Variants in SGO1 observed in about 807,000 individuals in gnomAD.
SGO1 encodes the protein shugoshin 1.
Under a neutral mutation model 50.5 loss-of-function variants are expected in SGO1, and 39 were observed. The observed-to-expected ratio is 0.77, with a 90% CI of 0.60 to 1.01. SGO1 has a LOEUF of 1.01. Ranked by LOEUF, SGO1 falls within the 50% of genes least tolerant of loss-of-function variation. SGO1 has a pLI of 0.00. For missense variants in SGO1, 638 were observed against 606.0 expected (o/e 1.05, Z -0.55); for synonymous variants, 191 against 205.1 (o/e 0.93, Z 0.59).
At chr3:20,162,219 A>G (rs73193239) in intron 8 of SGO1, among the ~76,000 whole-genome samples, 34,232 of 152,180 alleles carry the variant, frequency 0.22, 3,865 homozygotes, top group Admixed American at 0.25. Context: ...GTAACTATGG[A>G]AAGAACTACA....
intron 6 of SGO1, among the ~76,000 whole-genome samples, chr3:20,173,781 A>C (rs1490494283): frequency 6.6e-6 from 1 of 152,232 alleles, no homozygotes; most frequent in Non-Finnish European, 1.5e-5. Flanking sequence ...GTCGTACAAA[A>C]GAATACTAAG....
rs972489600 is a variant in SGO1, at chr3:20,170,453, G to A, written c.*251C>T. The A allele has an allele frequency of 9.6e-6, 10 of 1,046,190 alleles. No homozygotes were observed. In the East Asian group the frequency reaches 5.7e-4, roughly 60 times the overall value. 64.8% of individuals were successfully genotyped at this position (1,046,190 alleles called of 1,614,324 possible). A position where few individuals can be genotyped will look rare whatever the true frequency, so the allele number is the denominator to read the frequency against. On this transcript the variant is annotated 3_prime_UTR_variant, in exon 8 of 8. Coordinates refer to ENST00000412997, the MANE Select transcript of SGO1 (RefSeq NM_001199251.3). ...AAATTAAGAGGTTTAGGCAGCATAA[G>A]AAATCGATATGATGATAATGCTTAA...
Position 20,170,072 on chromosome 3 carries a change from T to C in SGO1, c.*632A>G. The C allele has an allele frequency of 3.0e-6, 3 of 985,304 alleles. No individual in the cohort carries two copies. The highest frequency in any genetic ancestry group is 3.6e-6 in the Non-Finnish European group (3 of 829,776). 61.0% of individuals were successfully genotyped at this position (985,304 alleles called of 1,614,324 possible). On this transcript the variant is annotated 3_prime_UTR_variant, in exon 8 of 8. Coordinates refer to ENST00000412997, the MANE Select transcript of SGO1 (RefSeq NM_001199251.3). ...AGAAGCTTATAATTAAAAGATCTTA[T>C]TTGAGTAATCATTATTCATTTCTAC...
chr3:20,178,888 AT>A (rs1261992887), intron 3 of SGO1, among the ~76,000 whole-genome samples: 1 of 152,156 alleles, frequency 6.6e-6, no homozygotes, highest in Non-Finnish European at 1.5e-5. Flanking sequence ...TCTAAGTATG[AT>A]GGGAAGGTAC....
rs1216045640 is a variant in SGO1 at position 20,174,419 on chromosome 3, G to A, written c.1112C>T (p.Ser371Leu). Residue 371 changes from serine (S) to leucine (L), a missense_variant, in exon 6 of 8, where the codon TCA becomes TTA. Transcript: ENST00000412997. Reference protein sequence around the residue: ...NNESEVSLCESSGSGDDSDDL... With the variant: ...NNESEVSLCELSGSGDDSDDL... Reference sequence around the variant, plus strand: ...ATCGGAATCATCTCCTGAACCACTTGATTCACAGAGGCTCACTTCAGACTC... The same window carrying A: ...ATCGGAATCATCTCCTGAACCACTTAATTCACAGAGGCTCACTTCAGACTC... 1.2e-6 allele frequency: 2 copies of A among 1,614,140 alleles called. No individual in the cohort carries two copies. Among genetic ancestry groups the A allele is most frequent in the Admixed American group, 1.7e-5 (1 of 60,022 alleles).
downstream of SGO1, among the ~76,000 whole-genome samples, chr3:20,166,423 A>G (rs1342312990): frequency 6.6e-6 from 1 of 152,192 alleles, no homozygotes; most frequent in Admixed American, 6.5e-5. Flanking sequence ...TAAAATTTTG[A>G]TACATGCTAT....
chr3:20,161,614 T>C (rs1021828667), intron 8 of SGO1, among the ~76,000 whole-genome samples: 6 of 152,230 alleles, frequency 3.9e-5, no homozygotes, highest in African/African-American at 1.2e-4. Flanking sequence ...TTTTGGTCAC[T>C]GAGGCATCCC....
At chr3:20,183,562 C>T in intron 3 of SGO1, 46 bp downstream of exon 3, 1 of 1,422,930 alleles carries the variant, frequency 7.0e-7, no homozygotes, top group South Asian at 1.4e-5. Context: ...ACTACTTATT[C>T]ATGGCTTAAC....
Position 20,170,213 on chromosome 3 carries a change from A to G in SGO1, c.*491T>C. 1.8e-6 allele frequency: 1 copy of G among 563,724 alleles called. No individual in the cohort carries two copies. The highest frequency in any genetic ancestry group is 2.2e-6 in the Non-Finnish European group (1 of 444,706). The allele number at this position is 563,724 out of a possible 1,614,324, so 34.9% of individuals were successfully genotyped here. On this transcript the variant is annotated 3_prime_UTR_variant, in exon 8 of 8. Transcript: ENST00000412997. ...TGGGAGTTTGAGAGCAACCTGACCA[A>G]CATGGAGAAACCCTGTCTCTACTAA...
In SGO1 at chr3:20,170,522, TA is replaced by T; in HGVS notation, c.*181del. On this transcript the variant is annotated 3_prime_UTR_variant, in exon 8 of 8. Transcript: ENST00000412997. ...AAAAGAAAAAATAAATTAAATTTAT[TA>T]AAGTTTTAATACAAAGCATCCCATT... is the stretch of plus-strand genomic sequence containing the variant. The T allele has an allele frequency of 2.5e-6, 3 of 1,197,976 alleles. No individual in the cohort carries two copies. The highest frequency in any genetic ancestry group is 3.1e-6 in the Non-Finnish European group (3 of 965,702). 74.2% of individuals were successfully genotyped at this position (1,197,976 alleles called of 1,614,324 possible).
exon 9 of SGO1, chr3:20,161,218 C>G (rs369926768): frequency 2.5e-6 from 4 of 1,590,050 alleles, no homozygotes; most frequent in Non-Finnish European, 3.4e-6. Flanking sequence ...GGTGATACCT[C>G]CAGGGCTCCT....
intron 3 of SGO1, 94 bp from the exon 4 acceptor site, chr3:20,178,441 C>A: frequency 1.1e-6 from 1 of 869,636 alleles, no homozygotes; most frequent in Non-Finnish European, 1.9e-6. Flanking sequence ...GACAGTCTAT[C>A]ATGGTGCCAT....
chr3:20,163,994 G>C (rs1700171099), intron 8 of SGO1, among the ~76,000 whole-genome samples: 1 of 151,914 alleles, frequency 6.6e-6, no homozygotes, highest in Non-Finnish European at 1.5e-5. Context: ...AGTCTCACTA[G>C]TGTGTCAAAC....
downstream of SGO1, among the ~76,000 whole-genome samples, chr3:20,168,564 C>T (rs1303259796): frequency 1.3e-5 from 2 of 151,538 alleles, no homozygotes; most frequent in African/African-American, 4.8e-5. Context: ...TTCAATATTT[C>T]CTCAATTGTC....
chr3:20,161,004 T>A, exon 9 of SGO1: 1 of 1,542,878 alleles, frequency 6.5e-7, no homozygotes, highest in Non-Finnish European at 8.8e-7. Context: ...CACCCCTCCA[T>A]CTCTCCCCCA....
chr3:20,170,371 C>T lies in SGO1; in HGVS notation c.*333G>A. 1.1e-6 allele frequency: 1 copy of T among 912,424 alleles called. No homozygotes were observed. The highest frequency in any genetic ancestry group is 1.3e-6 in the Non-Finnish European group (1 of 764,472). 56.5% of individuals were successfully genotyped at this position (912,424 alleles called of 1,614,324 possible). On this transcript the variant is annotated 3_prime_UTR_variant, in exon 8 of 8. Transcript: ENST00000412997. ...TGAGATCGTGCCATTGCACTCCAGC[C>T]TGGGCAACAAGAATGAAATTCCGCC...
At chr3:20,185,375 A>G (rs1022080397) in intron 1 of SGO1, among the ~76,000 whole-genome samples, 4 of 152,320 alleles carry the variant, frequency 2.6e-5, no homozygotes, top group African/African-American at 9.6e-5. Flanking sequence ...TGCCATATCA[A>G]AAGTTTTATA....
chr3:20,167,894 A>G (rs954039399), downstream of SGO1, among the ~76,000 whole-genome samples: 3 of 152,332 alleles, frequency 2.0e-5, no homozygotes, highest in Middle Eastern at 3.4e-3. Context: ...CTGCAGCACT[A>G]ATTTGTAAAT....
At chr3:20,178,388 A>G (rs761390959) in intron 3 of SGO1, 41 bp from the exon 4 acceptor site, 2 of 1,387,848 alleles carry the variant, frequency 1.4e-6, no homozygotes, top group Middle Eastern at 3.6e-4. Flanking sequence ...TAACTGAAGT[A>G]TTCACAAGAA....
Sources: allele counts gnomAD v4.1 joint callset (sites outside exome capture counted in the v4.1 genomes callset), GRCh38; gene constraint gnomAD v4.1.1; transcripts MANE v1.5; gene names NCBI Gene and HGNC (gene_info 2026-07-23, HGNC 2026-07-21).